The following LUZP2 variants were observed in gnomAD, a reference collection of about 807,000 sequenced individuals.
LUZP2 encodes leucine zipper protein 2.
Under a neutral mutation model 51.6 loss-of-function variants are expected in LUZP2, and 52 were observed. The observed-to-expected ratio is 1.01, with a 90% CI of 0.81 to 1.27. The LOEUF is 1.27. LUZP2 is among the 50% of genes most tolerant of loss of function. LUZP2 has a pLI of 0.00. For missense variants in LUZP2, 436 were observed against 395.4 expected, an observed-to-expected ratio of 1.10 and a Z score of -0.87; for synonymous variants, 154 against 137.3, an observed-to-expected ratio of 1.12 and a Z score of -0.85.
At chr11:24,899,385 C>G (rs1031077917) in intron 5 of LUZP2, among the ~76,000 whole-genome samples, 1 of 151,066 alleles carries the variant, frequency 6.6e-6, no homozygotes, top group Non-Finnish European at 1.5e-5. Flanking sequence ...AAATAGACTT[C>G]TAAATATACT....
At chr11:25,029,455 C>T (rs1050884342) in intron 9 of LUZP2, among the ~76,000 whole-genome samples, 3 of 151,920 alleles carry the variant, frequency 2.0e-5, no homozygotes, top group East Asian at 1.9e-4. Flanking sequence ...AATGTGTAAT[C>T]GGCTGGGTGC....
At chr11:24,839,061 T>A (rs982487525) in intron 5 of LUZP2, among the ~76,000 whole-genome samples, 3 of 151,796 alleles carry the variant, frequency 2.0e-5, no homozygotes, top group African/African-American at 7.2e-5. Flanking sequence ...TCAATTCAAA[T>A]TTATGTATGA....
chr11:24,684,307 A>T (rs1225807956), intron 1 of LUZP2, among the ~76,000 whole-genome samples: 4 of 152,206 alleles, frequency 2.6e-5, no homozygotes, highest in African/African-American at 9.6e-5. Context: ...CTAGGCCTCT[A>T]GATGATCATT....
intron 1 of LUZP2, among the ~76,000 whole-genome samples, chr11:24,535,200 G>C (rs1312126959): frequency 6.6e-6 from 1 of 151,202 alleles, no homozygotes; most frequent in Non-Finnish European, 1.5e-5. Flanking sequence ...TGTTTTGCTA[G>C]TGGAAAGTTT....
At chr11:24,511,074 T>C (rs983747365) in intron 1 of LUZP2, among the ~76,000 whole-genome samples, 1 of 152,224 alleles carries the variant, frequency 6.6e-6, no homozygotes, top group African/African-American at 2.4e-5. Context: ...CTGGGACTTG[T>C]AGCCTTCTTA....
intron 1 of LUZP2, among the ~76,000 whole-genome samples, chr11:24,538,946 T>C (rs1375083051): frequency 6.6e-6 from 1 of 151,800 alleles, no homozygotes; most frequent in African/African-American, 2.4e-5. Flanking sequence ...ATTTGAAGAT[T>C]ATATATAATT....
intron 10 of LUZP2, among the ~76,000 whole-genome samples, chr11:25,064,884 G>A (rs1010071091): frequency 3.3e-5 from 5 of 151,954 alleles, no homozygotes; most frequent in Admixed American, 6.6e-5. Context: ...GTGACTTCGC[G>A]AATTTCTAAT....
chr11:24,960,661 C>T (rs1428878360), intron 7 of LUZP2, among the ~76,000 whole-genome samples: 10 of 151,918 alleles, frequency 6.6e-5, no homozygotes, highest in South Asian at 2.1e-4. Context: ...GTCTTGCTAG[C>T]GGTCTATCAA....
chr11:24,751,933 T>G (rs971633017), intron 4 of LUZP2, among the ~76,000 whole-genome samples: 2 of 151,922 alleles, frequency 1.3e-5, no homozygotes, highest in African/African-American at 4.8e-5. Flanking sequence ...AAAAACTACT[T>G]GATAATGTTA....
chr11:24,631,417 T>C (rs554863757), intron 1 of LUZP2, among the ~76,000 whole-genome samples: 57 of 151,918 alleles, frequency 3.8e-4, no homozygotes, highest in African/African-American at 1.3e-3. Flanking sequence ...TCTTTTCTTT[T>C]CATATCATGA....
rs552610400 is a variant in LUZP2 at position 24,573,669 on chromosome 11, T to C, written c.62+76364T>C. On this transcript the variant is annotated intron_variant, in intron 1 of 11. Coordinates refer to ENST00000336930, the MANE Select transcript of LUZP2 (RefSeq NM_001009909.4). ...ATTTGAAAGTGTTGAGAATTTTCATTAAATAATTCAGCATAAAATAAAAGA... is the reference window on the plus strand; with the variant it reads ...ATTTGAAAGTGTTGAGAATTTTCATCAAATAATTCAGCATAAAATAAAAGA... 5.9e-5 allele frequency among the ~76,000 whole-genome samples: 9 copies of C among 152,058 alleles called. No homozygotes were observed. The South Asian group carries it at 1.9e-3, about 31-fold the overall frequency.
At chr11:24,824,137 G>T (rs530119746) in intron 5 of LUZP2, among the ~76,000 whole-genome samples, 1 of 151,814 alleles carries the variant, frequency 6.6e-6, no homozygotes, top group African/African-American at 2.4e-5. Context: ...GCCGAGGCAG[G>T]CGGATCACCT....
At chr11:24,950,423 G>A (rs1244136291) in intron 7 of LUZP2, among the ~76,000 whole-genome samples, 1 of 151,612 alleles carries the variant, frequency 6.6e-6, no homozygotes, top group Non-Finnish European at 1.5e-5. Flanking sequence ...TCATAGGAAT[G>A]TCCACTAAGC....
chr11:24,810,069 A>C (rs1038199638), intron 5 of LUZP2, among the ~76,000 whole-genome samples: 1 of 152,180 alleles, frequency 6.6e-6, no homozygotes, highest in Non-Finnish European at 1.5e-5. Flanking sequence ...GTTTATAAGT[A>C]GTTGTGTTCC....
At position 24,521,951 on chromosome 11, in the gene LUZP2, A is replaced by AAT. The variant is rs534461482; in HGVS notation, c.62+24659_62+24660dup. Reference sequence around the variant, plus strand: ...AACCGTCACCAAGTGAAATCCTGGAAATATATATATATATTTTTCGAATCA... The same window carrying AAT: ...AACCGTCACCAAGTGAAATCCTGGAAATATATATATATATATTTTTCGAATCA... On this transcript the variant is annotated intron_variant, in intron 1 of 11. Transcript: ENST00000336930. 1.3e-4 allele frequency among the ~76,000 whole-genome samples: 19 copies of AAT among 151,890 alleles called. No individual in the cohort carries two copies. The South Asian group carries it at 1.3e-3, about 10-fold the overall frequency.
At chr11:24,727,879 A>T (rs1020405006) in intron 1 of LUZP2, among the ~76,000 whole-genome samples, 1 of 152,042 alleles carries the variant, frequency 6.6e-6, no homozygotes, top group Non-Finnish European at 1.5e-5. Flanking sequence ...ATAGAAGTCT[A>T]TTCTAGATGA....
At chr11:24,926,421 A>ATACGTGTATATATG (rs1554940526) in intron 7 of LUZP2, among the ~76,000 whole-genome samples, 1 of 135,252 alleles carries the variant, frequency 7.4e-6, no homozygotes, top group African/African-American at 2.9e-5. Flanking sequence ...GTGTATATAT[A>ATACGTGTATATATG]TGTGTGTATA....
rs560424306 is a variant in LUZP2 at position 24,919,613 on chromosome 11, C to A, written c.522+5075C>A. 6.2e-5 allele frequency among the ~76,000 whole-genome samples: 9 copies of A among 145,902 alleles called. No individual in the cohort carries two copies. The South Asian group carries it at 1.7e-3, about 28-fold the overall frequency. ...TAGCTTTTAATTTTATGTAGATATA[C>A]CAAAGGTTACTTAACCTTTCACTTA... On this transcript the variant is annotated intron_variant, in intron 7 of 11. Transcript: ENST00000336930.
chr11:24,854,125 TC>T (rs1851479828), intron 5 of LUZP2, among the ~76,000 whole-genome samples: 1 of 152,202 alleles, frequency 6.6e-6, no homozygotes, highest in Non-Finnish European at 1.5e-5. Context: ...AGGCAGTCTG[TC>T]CCTTAGCAGA....
Sources: gnomAD v4.1 joint callset for allele counts (sites outside exome capture counted in the v4.1 genomes callset) on GRCh38, gnomAD v4.1.1 for gene constraint, MANE v1.5 for transcripts, NCBI Gene and HGNC (gene_info 2026-07-23, HGNC 2026-07-21) for gene names.